STARD6: variants seen among roughly 807,000 people sequenced by gnomAD.
STARD6 encodes the protein stAR-related lipid transfer protein 6.
A neutral mutation model predicts 22.3 loss-of-function variants in STARD6; 21 were observed. That is an observed-to-expected ratio of 0.94 (90% CI 0.67 to 1.35). The LOEUF (loss-of-function observed/expected upper bound fraction) is 1.35, where lower values mean the gene tolerates loss of function less well. STARD6 is among the 40% of genes most tolerant of loss of function. The pLI is 0.00. For missense variants in STARD6, 269 were observed against 266.9 expected (o/e 1.01, Z -0.05); for synonymous variants, 80 against 88.1 (o/e 0.91, Z 0.52).
At chr18:54,354,776 TAG>T (rs1396307149) in intron 2 of STARD6, among the ~76,000 whole-genome samples, 199 bp from the exon 3 acceptor site, 2 of 152,224 alleles carry the variant, frequency 1.3e-5, no homozygotes, top group African/African-American at 2.4e-5. Context: ...TGGAAAAATC[TAG>T]ACTTTGAAAT....
intron 5 of STARD6, among the ~76,000 whole-genome samples, chr18:54,336,153 G>A (rs536655258): frequency 9.9e-5 from 15 of 151,916 alleles, no homozygotes; most frequent in Non-Finnish European, 1.8e-4. Flanking sequence ...TTACATTTTT[G>A]TTTTCTCTTT....
chr18:54,339,451 A>G, intron 4 of STARD6, among the ~76,000 whole-genome samples: 1 of 150,434 alleles, frequency 6.6e-6, no homozygotes, highest in Non-Finnish European at 1.5e-5. Context: ...TCTGAACATG[A>G]AAATAAAAAT....
chr18:54,329,284 A>G, intron 7 of STARD6, 63 bp downstream of exon 7: 1 of 1,357,936 alleles, frequency 7.4e-7, no homozygotes. Flanking sequence ...CAGCAATCTT[A>G]AACTAAATCA....
At chr18:54,340,859 C>A (rs1444027913) in intron 4 of STARD6, among the ~76,000 whole-genome samples, 1 of 152,062 alleles carries the variant, frequency 6.6e-6, no homozygotes, top group Non-Finnish European at 1.5e-5. Context: ...ATAAAGTAGA[C>A]TTTAAGATAA....
At chr18:54,352,270 A>G (rs1253144361) in intron 4 of STARD6, among the ~76,000 whole-genome samples, 1 of 151,030 alleles carries the variant, frequency 6.6e-6, no homozygotes. Context: ...ATCTTTTTGT[A>G]TTTCTGTGGT....
chr18:54,354,025 AGTAATT>A (rs752405116), intron 4 of STARD6, 23 bp downstream of exon 4: 1 of 1,425,366 alleles, frequency 7.0e-7, no homozygotes, highest in African/African-American at 1.4e-5. Flanking sequence ...AATTTAAAAC[AGTAATT>A]GTAAATAGAA....
intron 4 of STARD6, among the ~76,000 whole-genome samples, chr18:54,344,528 C>G (rs2089016188): frequency 9.9e-6 from 1 of 100,944 alleles, no homozygotes; most frequent in African/African-American, 4.2e-5. Context: ...TCCCATGACC[C>G]TGCCAAATCC....
At chr18:54,326,738 T>C (rs535233904) in intron 7 of STARD6, among the ~76,000 whole-genome samples, 2 of 151,456 alleles carry the variant, frequency 1.3e-5, no homozygotes, top group African/African-American at 4.8e-5. Flanking sequence ...AATATTTTTA[T>C]ATAATTCTCA....
chr18:54,327,932 C>T (rs2088837472), intron 7 of STARD6, among the ~76,000 whole-genome samples: 1 of 151,688 alleles, frequency 6.6e-6, no homozygotes, highest in Admixed American at 6.6e-5. Context: ...AAGAAAAATT[C>T]ATAAGCTTTT....
intron 4 of STARD6, among the ~76,000 whole-genome samples, chr18:54,341,710 T>C (rs1852041636): frequency 1.3e-5 from 2 of 152,170 alleles, no homozygotes; most frequent in South Asian, 4.1e-4. Context: ...TAGAGAATAA[T>C]TTGAGATAAA....
At position 54,335,441 on chromosome 18, in the gene STARD6, G is replaced by A. The variant is rs565790170; in HGVS notation, c.267+1684C>T. ...ACTCCTGACCTCAGGTGATCCACCC[G>A]CCTCTGCCTCCCAAAGTTCTGGGAT... On this transcript the variant is annotated intron_variant, in intron 5 of 7. Coordinates refer to ENST00000307844, the MANE Select transcript of STARD6 (RefSeq NM_139171.2). 1.6e-4 allele frequency among the ~76,000 whole-genome samples: 24 copies of A among 152,018 alleles called. No homozygotes were observed. The South Asian group carries it at 3.5e-3, about 22-fold the overall frequency.
intron 4 of STARD6, among the ~76,000 whole-genome samples, chr18:54,345,151 A>G (rs546903379): frequency 2.0e-5 from 3 of 152,290 alleles, no homozygotes; most frequent in African/African-American, 7.2e-5. Flanking sequence ...AACAGAATCC[A>G]CTAAAATAAT....
At chr18:54,326,176 A>G (rs759044058) in intron 7 of STARD6, among the ~76,000 whole-genome samples, 26 of 152,058 alleles carry the variant, frequency 1.7e-4, no homozygotes, top group Non-Finnish European at 2.9e-4. Flanking sequence ...AAGTGGTACT[A>G]TGGTGCTTTA....
chr18:54,332,047 T>C (rs1312453346), intron 5 of STARD6, among the ~76,000 whole-genome samples, 188 bp from the exon 6 acceptor site: 4 of 152,168 alleles, frequency 2.6e-5, no homozygotes, highest in Non-Finnish European at 4.4e-5. Context: ...TCTACGAGTG[T>C]AGAAAATTCA....
chr18:54,342,442 TCTCC>T (rs1363048048), intron 4 of STARD6, among the ~76,000 whole-genome samples: 1 of 145,048 alleles, frequency 6.9e-6, no homozygotes, highest in Non-Finnish European at 1.5e-5. Context: ...TCCCTCTCCC[TCTCC>T]CTCTCCCTCT....
At chr18:54,336,615 T>C (rs1568168720) in intron 5 of STARD6, among the ~76,000 whole-genome samples, 1 of 152,226 alleles carries the variant, frequency 6.6e-6, no homozygotes, top group Non-Finnish European at 1.5e-5. Context: ...GTCTGCATTG[T>C]TCCTGTTCTC....
chr18:54,345,921 T>G (rs2089029510), intron 4 of STARD6, among the ~76,000 whole-genome samples: 1 of 152,032 alleles, frequency 6.6e-6, no homozygotes, highest in South Asian at 2.1e-4. Context: ...ATACAGAAAA[T>G]TAACTCAAAG....
chr18:54,327,255 A>T (rs1261266443), intron 7 of STARD6, among the ~76,000 whole-genome samples: 1 of 152,220 alleles, frequency 6.6e-6, no homozygotes, highest in African/African-American at 2.4e-5. Context: ...AATTTTGATC[A>T]ATATATAATG....
At chr18:54,329,602 GAAAA>G (rs2088850639) in intron 6 of STARD6, among the ~76,000 whole-genome samples, 162 bp from the exon 7 acceptor site, 2 of 152,044 alleles carry the variant, frequency 1.3e-5, no homozygotes, top group Non-Finnish European at 2.9e-5. Flanking sequence ...CCAAAATTGA[GAAAA>G]TACCAGTATC....
Sources: gnomAD v4.1 joint callset for allele counts (sites outside exome capture counted in the v4.1 genomes callset) on GRCh38, gnomAD v4.1.1 for gene constraint, MANE v1.5 for transcripts, NCBI Gene and HGNC (gene_info 2026-07-23, HGNC 2026-07-21) for gene names.